The following TFAP2B variants were observed in gnomAD, a reference collection of about 807,000 sequenced individuals.
TFAP2B encodes the protein transcription factor AP-2-beta.
In TFAP2B, 9 loss-of-function variants were observed where a neutral mutation model predicts 44.3. The ratio of observed to expected loss-of-function variants is 0.20; its 90% confidence interval spans 0.12 to 0.35. TFAP2B has a LOEUF of 0.35. TFAP2B is among the 10% of genes least tolerant of loss of function. TFAP2B has a pLI of 1.00. For synonymous variants in TFAP2B, 270 were observed against 263.8 expected, an observed-to-expected ratio of 1.02 and a Z score of -0.23; for missense variants, 509 against 600.0, an observed-to-expected ratio of 0.85 and a Z score of 1.59.
chr6:50,820,320 G>C (rs1054367348), intron 1 of TFAP2B, among the ~76,000 whole-genome samples: 13 of 152,232 alleles, frequency 8.5e-5, no homozygotes, highest in African/African-American at 2.9e-4. Flanking sequence ...TCACAGGCGC[G>C]GCCGGCAAGC....
Position 50,823,832 on chromosome 6 carries a change from C to T in TFAP2B, c.507C>T (p.His169=), listed in dbSNP as rs1372403720. Residue 169 remains histidine (H), a synonymous_variant, in exon 2 of 7, where the codon CAC becomes CAT. Coordinates refer to ENST00000393655, the MANE Select transcript of TFAP2B (RefSeq NM_003221.4). The part of the protein sequence containing the change: ...DAGMGDSLSL[H]GLGHPGMEDV... ...GCATGGGTGACAGCCTCTCGCTGCA[C>T]GGCCTCGGCCATCCCGGAATGGAAG... The T allele has an allele frequency of 7.0e-6, 11 of 1,563,674 alleles. No homozygotes were observed. The African/African-American group carries it at 1.2e-4, about 17-fold the overall frequency.
At chr6:50,836,366 G>C in intron 4 of TFAP2B, 86 bp downstream of exon 4, 1 of 1,229,962 alleles carries the variant, frequency 8.1e-7, no homozygotes, top group Non-Finnish European at 1.2e-6. Context: ...TGAGGAGAAG[G>C]TTCCAGCAAA....
At chr6:50,822,828 T>C (rs186275535) in intron 1 of TFAP2B, among the ~76,000 whole-genome samples, 4 of 152,322 alleles carry the variant, frequency 2.6e-5, no homozygotes, top group Admixed American at 1.3e-4. Context: ...GGTGGATTCC[T>C]TGGAGCTCTT....
Position 50,846,341 on chromosome 6 carries a change from C to T in TFAP2B, c.*2949C>T, listed in dbSNP as rs956761876. 6.6e-6 allele frequency: 1 copy of T among 152,572 alleles called. No individual in the cohort carries two copies. The highest frequency in any genetic ancestry group is 2.1e-4 in the South Asian group (1 of 4,826). The allele number at this position is 152,572 out of a possible 1,614,324, so 9.5% of individuals were successfully genotyped here. A position where few individuals can be genotyped will look rare whatever the true frequency, so the allele number is the denominator to read the frequency against. On this transcript the variant is annotated 3_prime_UTR_variant, in exon 7 of 7. Coordinates refer to ENST00000393655, the MANE Select transcript of TFAP2B (RefSeq NM_003221.4). ...ATTGAGTTATTAAAAGATTTGGTTT[C>T]CTTGGGCCTATAAATCAATAAACAG... is the stretch of plus-strand genomic sequence containing the variant.
intron 2 of TFAP2B, among the ~76,000 whole-genome samples, chr6:50,825,231 G>T (rs1460252889): frequency 6.6e-6 from 1 of 152,058 alleles, no homozygotes; most frequent in Non-Finnish European, 1.5e-5. Context: ...AACTGAGCTT[G>T]ACTGTTCCTG....
rs968146125 is a variant in TFAP2B at position 50,828,430 on chromosome 6, T to C, written c.541-189T>C. Among the ~76,000 whole-genome samples, 3 of 152,226 alleles carry C rather than the reference T, an allele frequency of 2.0e-5. No individual in the cohort carries two copies. In the East Asian group the frequency reaches 5.8e-4, roughly 29 times the overall value. On this transcript the variant is annotated intron_variant, in intron 2 of 6. Transcript: ENST00000393655. ...AAGTTTTCTTTCTCCACTTCTTCCA[T>C]TGGAAAAATTTATAATTTGAGTAAA...
At chr6:50,821,802 G>A (rs1011033841) in intron 1 of TFAP2B, 7 of 255,850 alleles carry the variant, frequency 2.7e-5, no homozygotes, top group Non-Finnish European at 4.7e-5. Flanking sequence ...ATGAGGCGGT[G>A]TAGGCAAGCG....
rs546238614 is a variant in TFAP2B, at chr6:50,840,190, C to T, written c.975C>T (p.Tyr325=). The T allele has an allele frequency of 9.9e-6, 16 of 1,614,114 alleles. No individual in the cohort carries two copies. In the South Asian group the frequency reaches 1.5e-4, roughly 16 times the overall value. The change falls in exon 6 of 7, where the codon TAC becomes TAT. Residue 325 remains tyrosine (Y), a synonymous_variant. Transcript: ENST00000393655. ...EAVHLARDFG[Y]ICETEFPAKA... is the part of the protein sequence containing the mutation. ...TTCACTTAGCTAGGGATTTTGGGTA[C>T]ATTTGCGAAACGGAGTTTCCCGCCA...
Position 50,846,616 on chromosome 6 carries a change from A to C in TFAP2B, c.*3224A>C. The C allele has an allele frequency of 6.6e-6, 1 of 152,234 alleles. No individual in the cohort carries two copies. The highest frequency in any genetic ancestry group is 1.9e-4 in the East Asian group (1 of 5,184). The allele number at this position is 152,234 out of a possible 1,614,324, so 9.4% of individuals were successfully genotyped here. On this transcript the variant is annotated 3_prime_UTR_variant, in exon 7 of 7. Coordinates refer to ENST00000393655, the MANE Select transcript of TFAP2B (RefSeq NM_003221.4). ...TCGCAAGTTCTTTTAAAGGTTCCAA[A>C]GATCTCCAGACCATTCTCTGCCAAA...
At position 50,838,003 on chromosome 6, in the gene TFAP2B, T is replaced by C; in HGVS notation, c.850T>C (p.Leu284=). 1 of 1,614,184 alleles carries C rather than the reference T, an allele frequency of 6.2e-7. No individual in the cohort carries two copies. Among genetic ancestry groups the C allele is most frequent in the South Asian group, 1.1e-5 (1 of 91,084 alleles). ...RAKSKNGGRS[L]RERLEKIGLN... ...CAAATCGAAAAATGGGGGGAGATCT[T>C]TGCGAGAAAGGCTAGAAAAAATCGG... Residue 284 remains leucine, a synonymous_variant, in exon 5 of 7, where the codon TTG becomes CTG. Transcript: ENST00000393655.
intron 5 of TFAP2B, among the ~76,000 whole-genome samples, chr6:50,839,572 A>T (rs1186193525): frequency 6.6e-6 from 1 of 152,228 alleles, no homozygotes; most frequent in African/African-American, 2.4e-5. Flanking sequence ...GGATGATGAC[A>T]GGAACCTCTG....
chr6:50,820,963 G>A (rs1770326931), intron 1 of TFAP2B, among the ~76,000 whole-genome samples: 2 of 152,048 alleles, frequency 1.3e-5, no homozygotes, highest in African/African-American at 2.4e-5. Context: ...GAAATAAACA[G>A]GGAGAGAGAG....
In TFAP2B at chr6:50,828,921, A is replaced by G. The variant is rs760900; in HGVS notation, c.601+242A>G. Among the ~76,000 whole-genome samples the G allele has an allele frequency of 0.66, 100,106 of 152,094 alleles. 34,442 individuals carry two copies. Among genetic ancestry groups the G allele is most frequent in the African/African-American group, 0.87 (36,221 of 41,506 alleles). Reference sequence around the variant, plus strand: ...GAGACAGACTGTTGCAATTTTTCTCATGGCATATTTGGTAGCCATTCTTGA... The same window carrying G: ...GAGACAGACTGTTGCAATTTTTCTCGTGGCATATTTGGTAGCCATTCTTGA... On this transcript the variant is annotated intron_variant, in intron 3 of 6. Coordinates refer to ENST00000393655, the MANE Select transcript of TFAP2B (RefSeq NM_003221.4).
chr6:50,826,114 A>T (rs1770496772), intron 2 of TFAP2B, among the ~76,000 whole-genome samples: 1 of 152,148 alleles, frequency 6.6e-6, no homozygotes. Flanking sequence ...GGCTAAAGTT[A>T]CACAAGCAGG....
chr6:50,824,012 CT>C, intron 2 of TFAP2B, 147 bp downstream of exon 2: 1 of 907,722 alleles, frequency 1.1e-6, no homozygotes, highest in East Asian at 2.6e-5. Flanking sequence ...TCATATAGAA[CT>C]GTTTATGTGT....
At position 50,843,395 on chromosome 6, in the gene TFAP2B, A is replaced by C. The variant is rs567687657; in HGVS notation, c.*3A>C. 1 of 1,612,016 alleles carries C rather than the reference A, an allele frequency of 6.2e-7. No homozygotes were observed. The highest frequency in any genetic ancestry group is 2.2e-5 in the East Asian group (1 of 44,840). On this transcript the variant is annotated 3_prime_UTR_variant, in exon 7 of 7. Coordinates refer to ENST00000393655, the MANE Select transcript of TFAP2B (RefSeq NM_003221.4). ...AGGAGGAGAAACACAGGAAATGAAAAATTTTTAAAAAAAGAAGGAAAAATG... is the reference window on the plus strand; with the variant it reads ...AGGAGGAGAAACACAGGAAATGAAACATTTTTAAAAAAAGAAGGAAAAATG...
rs373617629 is a variant in TFAP2B at position 50,843,076 on chromosome 6, G to T, written c.1083-16G>T. The T allele has an allele frequency of 1.7e-5, 27 of 1,614,018 alleles. No individual in the cohort carries two copies. The highest frequency in any genetic ancestry group is 2.3e-5 in the Non-Finnish European group (27 of 1,180,034). ...CACTGAGGGTGATTTTCTGTGCCTC[G>T]CCCACCCCTTTGCAGGCAACTTTGT... On this transcript the variant is annotated splice_polypyrimidine_tract_variant and intron_variant, in intron 6 of 6. Coordinates refer to ENST00000393655, the MANE Select transcript of TFAP2B (RefSeq NM_003221.4).
intron 5 of TFAP2B, 93 bp downstream of exon 5, chr6:50,838,186 C>A (rs1007601037): frequency 1.9e-6 from 2 of 1,062,072 alleles, no homozygotes; most frequent in Non-Finnish European, 2.9e-6. Context: ...AACTGGAAAT[C>A]GTTGTGATTG....
At chr6:50,834,285 A>G (rs1436459669) in intron 3 of TFAP2B, among the ~76,000 whole-genome samples, 1 of 152,228 alleles carries the variant, frequency 6.6e-6, no homozygotes, top group East Asian at 1.9e-4. Flanking sequence ...GAAATCAAAA[A>G]GAAGGAACAC....
Sources: gnomAD v4.1 joint callset for allele counts (sites outside exome capture counted in the v4.1 genomes callset) on GRCh38, gnomAD v4.1.1 for gene constraint, MANE v1.5 for transcripts, NCBI Gene and HGNC (gene_info 2026-07-23, HGNC 2026-07-21) for gene names.